ITGB4: variants seen among roughly 807,000 people sequenced by gnomAD.
The protein encoded by ITGB4 is integrin beta-4.
In ITGB4, 159 loss-of-function variants were observed where a neutral mutation model predicts 207.6. The observed-to-expected ratio is 0.77, with a 90% CI of 0.67 to 0.87. ITGB4 has a LOEUF of 0.87. Among genes scored for constraint, ITGB4 ranks in the 40% least tolerant of loss-of-function variants. The pLI is 0.00. For missense variants in ITGB4, 2,278 were observed against 2,546.8 expected, an observed-to-expected ratio of 0.89 and a Z score of 2.27; for synonymous variants, 1,020 against 1,062.7, an observed-to-expected ratio of 0.96 and a Z score of 0.78.
intron 35 of ITGB4, among the ~76,000 whole-genome samples, 195 bp downstream of exon 35, chr17:75,756,045 C>T (rs113495443): frequency 2.6e-5 from 4 of 152,224 alleles, no homozygotes; most frequent in Non-Finnish European, 4.4e-5. Context: ...AGGTCTCACC[C>T]ACCTCCCTGG....
intron 34 of ITGB4, 195 bp downstream of exon 34, chr17:75,755,010 A>C: frequency 6.3e-7 from 1 of 1,579,006 alleles, no homozygotes; most frequent in Non-Finnish European, 8.6e-7. Flanking sequence ...ACACACATGC[A>C]TGCACACTCC....
chr17:75,740,997 C>T lies in ITGB4; in HGVS notation c.2625C>T (p.Ala875=), dbSNP rs561694657. 2.9e-5 allele frequency: 46 copies of T among 1,613,698 alleles called. No individual in the cohort carries two copies. The highest frequency in any genetic ancestry group is 3.6e-5 in the Non-Finnish European group (42 of 1,180,008). ...GTCCCCACAGGCAGCAGCCCAATGC[C>T]GGGAAAAAGTGAGTAGAAGACTCGT... is the stretch of plus-strand genomic sequence containing the variant. ...QQTKFRQQPN[A]GKKQDHTIVD... The change falls in exon 23 of 40, where the codon GCC becomes GCT. Residue 875 remains alanine (A), a synonymous_variant. Transcript: ENST00000200181. The surrounding 1 kb of genome is among the most constrained non-coding windows in gnomAD (Gnocchi z 5.9).
Position 75,740,528 on chromosome 17 carries a change from G to A in ITGB4, c.2550+67G>A. The A allele has an allele frequency of 1.5e-6, 2 of 1,318,438 alleles. No individual in the cohort carries two copies. The highest frequency in any genetic ancestry group is 2.2e-6 in the Non-Finnish European group (2 of 917,356). 81.7% of individuals were successfully genotyped at this position (1,318,438 alleles called of 1,614,324 possible). A position where few individuals can be genotyped will look rare whatever the true frequency, so the allele number is the denominator to read the frequency against. ...GAGGGCGGGTGAGGTGGGCAGGGCA[G>A]AGCGAATGCGGTCGTGGTACCGAGA... On this transcript the variant is annotated intron_variant, in intron 21 of 39. Coordinates refer to ENST00000200181, the MANE Select transcript of ITGB4 (RefSeq NM_000213.5). This position sits in a 1 kb window ranked among gnomAD's most constrained non-coding sequence, Gnocchi z 5.9.
In ITGB4 at chr17:75,755,776, G is replaced by C; in HGVS notation, c.4634G>C (p.Arg1545Thr). 1 of 1,612,560 alleles carries C rather than the reference G, an allele frequency of 6.2e-7. No homozygotes were observed. Among genetic ancestry groups the C allele is most frequent in the Non-Finnish European group, 8.5e-7 (1 of 1,179,962 alleles). ...TCTGCCCTGGGGCCCACATCTCTCA[G>C]AGTGAGCTGGCAGGAGCCGCGGTGC... ...VFSALGPTSL[R>T]VSWQEPRCER... The change falls in exon 35 of 40, where the codon AGA becomes ACA. Residue 1545 changes from arginine to threonine, a missense_variant. Transcript: ENST00000200181.
chr17:75,727,391 T>A lies in ITGB4; in HGVS notation c.163-13T>A. 16 of 1,613,916 alleles carry A rather than the reference T, an allele frequency of 9.9e-6. No individual in the cohort carries two copies. Among genetic ancestry groups the A allele is most frequent in the Non-Finnish European group, 1.4e-5 (16 of 1,179,882 alleles). ...GGGTGCTGCCCCCAGTGACCCCCTG[T>A]CCTTCTGGCCAGATGTTCAGGGACC... On this transcript the variant is annotated splice_polypyrimidine_tract_variant and intron_variant, in intron 3 of 39. Coordinates refer to ENST00000200181, the MANE Select transcript of ITGB4 (RefSeq NM_000213.5). This position sits in a 1 kb window ranked among gnomAD's most constrained non-coding sequence, Gnocchi z 6.0.
At chr17:75,753,219 C>T (rs1414470726) in intron 32 of ITGB4, among the ~76,000 whole-genome samples, 1 of 152,228 alleles carries the variant, frequency 6.6e-6, no homozygotes, top group Middle Eastern at 3.2e-3. Context: ...CTCAAGCTGC[C>T]CCCGGTGAAC....
chr17:75,752,438 C>T lies in ITGB4; in HGVS notation c.3977-8C>T. On this transcript the variant is annotated splice_polypyrimidine_tract_variant and splice_region_variant and intron_variant, in intron 31 of 39. Coordinates refer to ENST00000200181, the MANE Select transcript of ITGB4 (RefSeq NM_000213.5). The stretch of plus-strand genomic sequence containing the variant: ...GCCAGGGCCCTGGCTCACTCCCCTG[C>T]CCTGCAGTCCCCATCATCCCTGACA... 6.2e-7 allele frequency: 1 copy of T among 1,613,198 alleles called. No homozygotes were observed. Among genetic ancestry groups the T allele is most frequent in the South Asian group, 1.1e-5 (1 of 91,084 alleles).
chr17:75,753,582 G>T lies in ITGB4; in HGVS notation c.4109-183G>T, dbSNP rs9915313. On this transcript the variant is annotated intron_variant, in intron 32 of 39. Transcript: ENST00000200181. ...CTGGAAAGGCTTCAGCCGCGCAAGG[G>T]TTTCACCTGCCGCGGCCTTCCCGCT... is the stretch of plus-strand genomic sequence containing the variant. Among the ~76,000 whole-genome samples, 34,302 of 152,082 alleles carry T rather than the reference G, an allele frequency of 0.23. 4,560 individuals are homozygous for T. Among genetic ancestry groups the T allele is most frequent in the Middle Eastern group, 0.33 (97 of 294 alleles).
At position 75,750,798 on chromosome 17, in the gene ITGB4, C is replaced by T. The variant is rs2061350446; in HGVS notation, c.3593C>T (p.Ala1198Val). 1 of 1,613,388 alleles carries T rather than the reference C, an allele frequency of 6.2e-7. No homozygotes were observed. The highest frequency in any genetic ancestry group is 1.1e-5 in the South Asian group (1 of 91,086). Residue 1198 changes from alanine to valine, a missense_variant, in exon 29 of 40, where the codon GCC becomes GTC. By Grantham distance (64) the Ala-to-Val change is moderately conservative (BLOSUM62 0). Transcript: ENST00000200181. The surrounding 1 kb of genome is among the most constrained non-coding windows in gnomAD (Gnocchi z 5.5). ...PYCDYEMKVC[A>V]YGAQGEGPYS... ...TGCGACTATGAGATGAAGGTGTGCGCCTACGGGGCTCAGGGCGAGGGACCC... is the reference window on the plus strand; with the variant it reads ...TGCGACTATGAGATGAAGGTGTGCGTCTACGGGGCTCAGGGCGAGGGACCC...
Position 75,736,120 on chromosome 17 carries a change from C to T in ITGB4, c.1727C>T (p.Pro576Leu). Reference protein sequence around the residue: ...PGWTGPSCDCPLSNATCIDSN... With the variant: ...PGWTGPSCDCLLSNATCIDSN... ...TGGACAGGCCCAAGCTGTGACTGTCCCCTCAGCAATGCCACCTGCATCGAC... is the reference window on the plus strand; with the variant it reads ...TGGACAGGCCCAAGCTGTGACTGTCTCCTCAGCAATGCCACCTGCATCGAC... Residue 576 changes from proline to leucine, a missense_variant, in exon 14 of 40, where the codon CCC (proline) becomes CTC (leucine). By Grantham distance (98) the Pro-to-Leu change is moderately conservative (BLOSUM62 -3). Coordinates refer to ENST00000200181, the MANE Select transcript of ITGB4 (RefSeq NM_000213.5). 1 of 1,614,158 alleles carries T rather than the reference C, an allele frequency of 6.2e-7. No homozygotes were observed. The highest frequency in any genetic ancestry group is 8.5e-7 in the Non-Finnish European group (1 of 1,180,022).
Position 75,756,613 on chromosome 17 carries a change from G to A in ITGB4, c.4893G>A (p.Leu1631=). 2 of 1,612,722 alleles carry A rather than the reference G, an allele frequency of 1.2e-6. No individual in the cohort carries two copies. Among genetic ancestry groups the A allele is most frequent in the Non-Finnish European group, 1.7e-6 (2 of 1,179,944 alleles). Residue 1631 remains leucine, a synonymous_variant, in exon 36 of 40, where the codon CTG becomes CTA. Coordinates refer to ENST00000200181, the MANE Select transcript of ITGB4 (RefSeq NM_000213.5). ...ACCCGCAGAGCCCACTGTGTCCCCTGCCAGGTGAGTTGCCTCCCCCAGCCC... is the reference window on the plus strand; with the variant it reads ...ACCCGCAGAGCCCACTGTGTCCCCTACCAGGTGAGTTGCCTCCCCCAGCCC... ...QVHPQSPLCP[L]PGSAFTLSTP...
intron 2 of ITGB4, among the ~76,000 whole-genome samples, chr17:75,725,818 C>T (rs1217477176): frequency 6.6e-6 from 1 of 152,230 alleles, no homozygotes; most frequent in Non-Finnish European, 1.5e-5. Context: ...CCGTGATAAA[C>T]AAGACACCAT....
At chr17:75,755,538 G>A (rs887494935) in intron 34 of ITGB4, among the ~76,000 whole-genome samples, 163 bp from the exon 35 acceptor site, 4 of 152,166 alleles carry the variant, frequency 2.6e-5, no homozygotes, top group African/African-American at 9.7e-5. Flanking sequence ...TGTGCGGTAG[G>A]TGCTGGGCAG....
chr17:75,747,665 CACTG>C (rs1288381300), intron 26 of ITGB4, among the ~76,000 whole-genome samples: 1 of 152,088 alleles, frequency 6.6e-6, no homozygotes, highest in Admixed American at 6.6e-5. Flanking sequence ...TCTTCCGTGA[CACTG>C]ACTTTTGTTA....
rs80186612 is a variant in ITGB4, at chr17:75,742,896, T to C, written c.2962+135T>C. ...ACCTCTGCAAGCCTTGGTTTCTCCA[T>C]CTGTAAAATGGGTAAGGGCTCTTTT... On this transcript the variant is annotated intron_variant, in intron 25 of 39. Transcript: ENST00000200181. This position sits in a 1 kb window ranked among gnomAD's most constrained non-coding sequence, Gnocchi z 5.9. 7.8e-3 allele frequency: 6,427 copies of C among 820,016 alleles called. 286 individuals are homozygous for C. In the African/African-American group the frequency reaches 0.098, roughly 13 times the overall value. 50.8% of individuals were successfully genotyped at this position (820,016 alleles called of 1,614,324 possible).
intron 1 of ITGB4, 54 bp from the exon 2 acceptor site, chr17:75,724,640 C>T (rs764067237): frequency 3.2e-5 from 42 of 1,310,784 alleles, no homozygotes; most frequent in Non-Finnish European, 4.3e-5. Context: ...AGGAAGCTGA[C>T]GGCACCGACC....
chr17:75,734,445 G>A (rs1471358895), intron 13 of ITGB4, among the ~76,000 whole-genome samples: 1 of 152,008 alleles, frequency 6.6e-6, no homozygotes, highest in African/African-American at 2.4e-5. Context: ...GAGCCACTGA[G>A]CCCGGCCCAA....
rs1281426877 is a variant in ITGB4 at position 75,736,594 on chromosome 17, C to T, written c.1890C>T (p.Arg630=). 1.2e-6 allele frequency: 2 copies of T among 1,602,304 alleles called. No homozygotes were observed. Among genetic ancestry groups the T allele is most frequent in the Non-Finnish European group, 1.7e-6 (2 of 1,175,100 alleles). The change falls in exon 16 of 40, where the codon CGC becomes CGT. Residue 630 remains arginine, a synonymous_variant. Transcript: ENST00000200181. The part of the protein sequence containing the change: ...AIHPGLCEDL[R]SCVQCQAWGT... ...ACCCGGGCCTCTGCGAGGACCTACG[C>T]TCCTGCGTGCAGTGCCAGGCGTGGG...
At position 75,750,282 on chromosome 17, in the gene ITGB4, C is replaced by A; in HGVS notation, c.3474+14C>A. On this transcript the variant is annotated intron_variant, in intron 28 of 39. Coordinates refer to ENST00000200181, the MANE Select transcript of ITGB4 (RefSeq NM_000213.5). This position sits in a 1 kb window ranked among gnomAD's most constrained non-coding sequence, Gnocchi z 5.5. ...ATGGGGTACAGGGTAAGGCGGGGGG[C>A]TGAGGGTCACGACAGGTGGATGGGC... 2 of 1,602,356 alleles carry A rather than the reference C, an allele frequency of 1.2e-6. No homozygotes were observed. Among genetic ancestry groups the A allele is most frequent in the Non-Finnish European group, 1.7e-6 (2 of 1,172,708 alleles).
Sources: gnomAD v4.1 joint callset for allele counts (sites outside exome capture counted in the v4.1 genomes callset) on GRCh38, gnomAD v4.1.1 for gene constraint, Gnocchi (gnomAD v3.1) non-coding constraint, MANE v1.5 for transcripts, NCBI Gene and HGNC (gene_info 2026-07-23, HGNC 2026-07-21) for gene names.